The following KHDC1 variants were observed in gnomAD, a reference collection of about 807,000 sequenced individuals.
The protein encoded by KHDC1 is KH homology domain-containing protein 1.
A neutral mutation model predicts 24.7 loss-of-function variants in KHDC1; 21 were observed. The observed-to-expected ratio is 0.85, with a 90% confidence interval of 0.60 to 1.23. KHDC1 has a LOEUF of 1.23. Among genes scored for constraint, KHDC1 ranks in the 50% most tolerant of loss-of-function variants. The pLI is 0.00. For missense variants in KHDC1, 274 were observed against 298.5 expected (o/e 0.92, Z 0.61); for synonymous variants, 98 against 111.7 (o/e 0.88, Z 0.77).
At chr6:73,271,297 G>A (rs1028804484) in intron 2 of KHDC1, among the ~76,000 whole-genome samples, 29 of 151,708 alleles carry the variant, frequency 1.9e-4, no homozygotes, top group Admixed American at 5.3e-4. Context: ...AACCACCTCC[G>A]CCCTCTGGGT....
At chr6:73,260,089 C>A (rs1241679431) in intron 2 of KHDC1, among the ~76,000 whole-genome samples, 1 of 152,040 alleles carries the variant, frequency 6.6e-6, no homozygotes, top group East Asian at 1.9e-4. Flanking sequence ...TCAGCATAGC[C>A]CCCTCCTTTC....
intron 2 of KHDC1, chr6:73,284,839 T>C (rs1371713612): frequency 6.6e-6 from 1 of 152,154 alleles, no homozygotes; most frequent in Non-Finnish European, 1.5e-5. Context: ...TGAAGTTTTG[T>C]GTCTGTTACT....
At chr6:73,246,251 C>T (rs1307042283) in intron 2 of KHDC1, among the ~76,000 whole-genome samples, 1 of 152,110 alleles carries the variant, frequency 6.6e-6, no homozygotes, top group Non-Finnish European at 1.5e-5. Flanking sequence ...CTCTCCTTCA[C>T]TGAATGAAGG....
exon 1 of KHDC1, chr6:73,309,670 A>C: frequency 6.5e-7 from 1 of 1,550,176 alleles, no homozygotes; most frequent in Non-Finnish European, 8.7e-7. Flanking sequence ...AGACTGTTTC[A>C]ATCACAAATA....
At chr6:73,308,070 ATTTTT>A (rs35521120) in intron 1 of KHDC1, among the ~76,000 whole-genome samples, 1 of 111,982 alleles carries the variant, frequency 8.9e-6, no homozygotes, top group African/African-American at 3.6e-5. Flanking sequence ...GGCCCAGCTA[ATTTTT>A]TTTTTTTTTT....
intron 1 of KHDC1, chr6:73,309,423 T>A: frequency 1.1e-6 from 1 of 889,944 alleles, no homozygotes; most frequent in Non-Finnish European, 1.6e-6. Flanking sequence ...CATGGTGATT[T>A]GCAGAACTGT....
At chr6:73,273,370 G>T (rs1328937555) in intron 2 of KHDC1, among the ~76,000 whole-genome samples, 1 of 151,516 alleles carries the variant, frequency 6.6e-6, no homozygotes, top group African/African-American at 2.4e-5. Flanking sequence ...GTTTCACCAT[G>T]TTGGCCAGGC....
At chr6:73,310,091 G>A (rs1768053610) in exon 1 of KHDC1, 1 of 218,002 alleles carries the variant, frequency 4.6e-6, no homozygotes, top group South Asian at 5.8e-5. Flanking sequence ...ACAAGAACCG[G>A]AGGAGAGGAC....
intron 2 of KHDC1, among the ~76,000 whole-genome samples, chr6:73,281,336 C>CAA (rs538844143): frequency 1.3e-4 from 17 of 133,710 alleles, no homozygotes; most frequent in African/African-American, 4.1e-4. Flanking sequence ...GAGACTCTCT[C>CAA]AAAAAAAAAA....
chr6:73,284,079 A>G (rs962226463), intron 2 of KHDC1, among the ~76,000 whole-genome samples: 2 of 152,112 alleles, frequency 1.3e-5, no homozygotes, highest in Admixed American at 1.3e-4. Flanking sequence ...CTTTAAGGCA[A>G]GGATGATAAT....
chr6:73,304,279 T>C (rs1256553417), intron 1 of KHDC1, among the ~76,000 whole-genome samples: 1 of 152,202 alleles, frequency 6.6e-6, no homozygotes, highest in African/African-American at 2.4e-5. Flanking sequence ...TTTGAAATTC[T>C]TTTGAAAGTC....
chr6:73,301,332 C>A (rs1767871632), intron 1 of KHDC1: 1 of 152,126 alleles, frequency 6.6e-6, no homozygotes, highest in South Asian at 2.1e-4. Flanking sequence ...TGTTAGTATA[C>A]ATAACTCTAA....
intron 2 of KHDC1, among the ~76,000 whole-genome samples, chr6:73,266,335 T>A (rs942098227): frequency 6.6e-6 from 1 of 152,250 alleles, no homozygotes. Flanking sequence ...CCACAGGTGT[T>A]CTTCTAAGCT....
At chr6:73,271,651 T>TCCCAGCTACTC (rs1767182583) in intron 2 of KHDC1, among the ~76,000 whole-genome samples, 1 of 150,582 alleles carries the variant, frequency 6.6e-6, no homozygotes, top group Non-Finnish European at 1.5e-5. Flanking sequence ...CTCAGCACTA[T>TCCCAGCTACTC]GGGAGGCCGA....
At chr6:73,258,242 G>A (rs574643243) in intron 2 of KHDC1, among the ~76,000 whole-genome samples, 24 of 152,286 alleles carry the variant, frequency 1.6e-4, no homozygotes, top group African/African-American at 4.3e-4. Flanking sequence ...GCAAGAGAGC[G>A]AGACTCCGTC....
chr6:73,271,022 A>G (rs1472827925), intron 2 of KHDC1, among the ~76,000 whole-genome samples: 1 of 151,698 alleles, frequency 6.6e-6, no homozygotes, highest in Non-Finnish European at 1.5e-5. Context: ...TTCTGTTAAT[A>G]TTTTCATCGT....
chr6:73,303,881 T>C (rs522559), intron 1 of KHDC1, among the ~76,000 whole-genome samples: 149,590 of 152,288 alleles, frequency 0.98, 73,525 homozygotes, highest in East Asian at 1. Context: ...TTCTTGGTTT[T>C]GAAAATTATT....
chr6:73,258,192 T>A, intron 2 of KHDC1, among the ~76,000 whole-genome samples: 1 of 152,122 alleles, frequency 6.6e-6, no homozygotes, highest in East Asian at 1.9e-4. Flanking sequence ...GAGGTAGAGG[T>A]TGCAGTGAGC....
At chr6:73,288,935 A>G (rs773867766) in intron 2 of KHDC1, among the ~76,000 whole-genome samples, 1 of 152,192 alleles carries the variant, frequency 6.6e-6, no homozygotes, top group Non-Finnish European at 1.5e-5. Flanking sequence ...AATTAAACCT[A>G]AATAGATTAA....
Sources: allele counts gnomAD v4.1 joint callset (sites outside exome capture counted in the v4.1 genomes callset), GRCh38; gene constraint gnomAD v4.1.1; transcripts MANE v1.5; gene names NCBI Gene and HGNC (gene_info 2026-07-23, HGNC 2026-07-21).